Variants in NRG2 observed in about 807,000 individuals in gnomAD.
NRG2 encodes the protein neuregulin 2.
A neutral mutation model predicts 73.9 loss-of-function variants in NRG2; 27 were observed. The observed-to-expected ratio is 0.37, with a 90% CI of 0.27 to 0.50. NRG2 has a LOEUF of 0.50. Ranked by LOEUF, NRG2 falls within the 20% of genes least tolerant of loss-of-function variation. The pLI, the probability that NRG2 is intolerant of heterozygous loss-of-function variation, is 0.96. For synonymous variants in NRG2, 532 were observed against 541.0 expected (o/e 0.98, Z 0.23); for missense variants, 1,126 against 1,210.1 (o/e 0.93, Z 1.03).
intron 1 of NRG2, among the ~76,000 whole-genome samples, chr5:139,980,518 A>G (rs1461230474): frequency 6.6e-6 from 1 of 152,148 alleles, no homozygotes; most frequent in East Asian, 1.9e-4. Context: ...ACCCTCCAAG[A>G]CAGACACACC....
intron 1 of NRG2, among the ~76,000 whole-genome samples, chr5:140,034,766 T>C (rs941614435): frequency 2.0e-5 from 3 of 152,036 alleles, no homozygotes; most frequent in Admixed American, 2.0e-4. Context: ...TAGAATACCA[T>C]AGCAAAAAAA....
intron 1 of NRG2, among the ~76,000 whole-genome samples, chr5:140,026,730 G>A (rs549371786): frequency 9.9e-5 from 15 of 152,110 alleles, no homozygotes; most frequent in South Asian, 2.1e-4. Context: ...GTCATGACTC[G>A]TCAATGTCCT....
chr5:139,871,324 G>A (rs938510675), intron 4 of NRG2, among the ~76,000 whole-genome samples: 1 of 152,184 alleles, frequency 6.6e-6, no homozygotes, highest in African/African-American at 2.4e-5. Flanking sequence ...TAAGAACAAA[G>A]TTTGGAGAGT....
chr5:139,886,719 G>C (rs937326483), intron 2 of NRG2, among the ~76,000 whole-genome samples: 3 of 152,178 alleles, frequency 2.0e-5, no homozygotes, highest in Non-Finnish European at 4.4e-5. Context: ...CAAGATGGAA[G>C]ACAGGCCATC....
chr5:139,957,866 G>A (rs1329685828), intron 1 of NRG2, among the ~76,000 whole-genome samples: 1 of 152,170 alleles, frequency 6.6e-6, no homozygotes, highest in Non-Finnish European at 1.5e-5. Flanking sequence ...CTCTGAGGAT[G>A]TGGTCTGATA....
At chr5:139,910,482 A>G (rs1765502851) in intron 1 of NRG2, among the ~76,000 whole-genome samples, 1 of 152,222 alleles carries the variant, frequency 6.6e-6, no homozygotes, top group South Asian at 2.1e-4. Flanking sequence ...TCTGAGCAAG[A>G]CTTAGTTTCC....
rs539007059 is a variant in NRG2, at chr5:139,958,553, T to C, written c.701-71042A>G. ...AAAAAGGATATTTTTTGTGGGTGTT[T>C]GCAATGCTTACAAACAGCTGAAGGG... On this transcript the variant is annotated intron_variant, in intron 1 of 9. Transcript: ENST00000361474. Among the ~76,000 whole-genome samples, 25 of 152,320 alleles carry C rather than the reference T, an allele frequency of 1.6e-4. No homozygotes were observed. The East Asian group carries it at 4.8e-3, about 29-fold the overall frequency.
chr5:139,981,518 G>A (rs990076364), intron 1 of NRG2, among the ~76,000 whole-genome samples: 1 of 152,212 alleles, frequency 6.6e-6, no homozygotes, highest in African/African-American at 2.4e-5. Flanking sequence ...TCTTAACACA[G>A]GGAAGCTAAT....
intron 1 of NRG2, among the ~76,000 whole-genome samples, chr5:140,024,539 G>C (rs1760520347): frequency 6.6e-6 from 1 of 152,240 alleles, no homozygotes; most frequent in Admixed American, 6.5e-5. Flanking sequence ...ACAGGCGTGA[G>C]CCACCGCCCC....
intron 1 of NRG2, among the ~76,000 whole-genome samples, chr5:139,977,446 A>G (rs534533290): frequency 2.0e-5 from 3 of 152,208 alleles, no homozygotes; most frequent in Non-Finnish European, 2.9e-5. Flanking sequence ...CAGAGGTATC[A>G]GTAGACAATG....
chr5:140,013,905 T>G (rs1032020054), intron 1 of NRG2, among the ~76,000 whole-genome samples: 16 of 152,200 alleles, frequency 1.1e-4, no homozygotes, highest in African/African-American at 3.9e-4. Context: ...ACCTCACTAG[T>G]CACTTTTTCT....
intron 1 of NRG2, among the ~76,000 whole-genome samples, chr5:140,030,319 G>A (rs1345389573): frequency 1.3e-5 from 2 of 152,184 alleles, no homozygotes; most frequent in Non-Finnish European, 2.9e-5. Flanking sequence ...AGCTCCCTAG[G>A]ATGCACTAGT....
At chr5:139,892,602 T>C (rs1195913034) in intron 1 of NRG2, among the ~76,000 whole-genome samples, 1 of 152,060 alleles carries the variant, frequency 6.6e-6, no homozygotes, top group African/African-American at 2.4e-5. Flanking sequence ...CTGTTTCTCT[T>C]TTACAGCCCA....
At chr5:139,947,764 T>C (rs1561700768) in intron 1 of NRG2, among the ~76,000 whole-genome samples, 1 of 152,240 alleles carries the variant, frequency 6.6e-6, no homozygotes, top group Non-Finnish European at 1.5e-5. Context: ...TGAAGTGGTA[T>C]ATCATTGTGG....
intron 1 of NRG2, among the ~76,000 whole-genome samples, chr5:139,921,981 G>A (rs540023258): frequency 4.7e-4 from 71 of 151,218 alleles, no homozygotes; most frequent in Admixed American, 6.6e-4. Context: ...AGAGATGGGA[G>A]GAACATTTGA....
intron 1 of NRG2, among the ~76,000 whole-genome samples, chr5:139,980,028 C>A (rs1756672163): frequency 6.6e-6 from 1 of 152,168 alleles, no homozygotes; most frequent in Non-Finnish European, 1.5e-5. Context: ...CAAAGCAAAA[C>A]CCTCAGGCCC....
intron 3 of NRG2, among the ~76,000 whole-genome samples, chr5:139,874,779 T>C (rs1311052622): frequency 6.6e-6 from 1 of 152,194 alleles, no homozygotes; most frequent in African/African-American, 2.4e-5. Context: ...CTCTCCCACT[T>C]CATCTCCCAT....
Position 140,042,813 on chromosome 5 carries a change from C to G in NRG2, c.257G>C (p.Arg86Pro), listed in dbSNP as rs1371422695. 6.7e-7 allele frequency: 1 copy of G among 1,493,302 alleles called. No homozygotes were observed. The highest frequency in any genetic ancestry group is 2.2e-5 in the Admixed American group (1 of 45,680). 92.5% of individuals were successfully genotyped at this position (1,493,302 alleles called of 1,614,324 possible). Reference protein sequence around the residue: ...PAARRAAARSRAAAAGGMRRD... With the variant: ...PAARRAAARSPAAAAGGMRRD... ...CCTCATGCCGCCGGCGGCTGCGGCT[C>G]GCGAACGGGCGGCGGCTCTCCGGGC... Residue 86 changes from arginine (R) to proline (P), a missense_variant, in exon 1 of 10, where the codon CGA (arginine) becomes CCA (proline). Around this residue, in one of 3 missense-constraint regions of NRG2, gnomAD observed 185 missense variants for 149.0 expected, o/e 1.24. Coordinates refer to ENST00000361474, the MANE Select transcript of NRG2 (RefSeq NM_004883.3).
At chr5:139,873,379 G>A (rs1762980652) in intron 3 of NRG2, among the ~76,000 whole-genome samples, 1 of 152,232 alleles carries the variant, frequency 6.6e-6, no homozygotes, top group Non-Finnish European at 1.5e-5. Context: ...GAAAGGGACA[G>A]AGAAGAGAAG....
Sources: allele counts gnomAD v4.1 joint callset (sites outside exome capture counted in the v4.1 genomes callset), GRCh38; gene constraint gnomAD v4.1.1; regional missense constraint gnomAD v4.1.1; transcripts MANE v1.5; gene names NCBI Gene and HGNC (gene_info 2026-07-23, HGNC 2026-07-21).